Variants in TBC1D5 observed in about 807,000 individuals in gnomAD.
The protein encoded by TBC1D5 is TBC1 domain family, member 5.
In TBC1D5, 75 loss-of-function variants were observed where a neutral mutation model predicts 100.3. That is an observed-to-expected ratio of 0.75 (90% CI 0.62 to 0.91). The LOEUF is 0.91. Ranked by LOEUF, TBC1D5 falls within the 40% of genes least tolerant of loss-of-function variation. The pLI, the probability that TBC1D5 is intolerant of heterozygous loss-of-function variation, is 0.00. For missense variants in TBC1D5, 910 were observed against 942.4 expected, an observed-to-expected ratio of 0.97 and a Z score of 0.45; for synonymous variants, 323 against 325.6, an observed-to-expected ratio of 0.99 and a Z score of 0.09.
At chr3:17,200,986 C>T (rs943281223) in intron 18 of TBC1D5, among the ~76,000 whole-genome samples, 3 of 152,126 alleles carry the variant, frequency 2.0e-5, no homozygotes, top group Non-Finnish European at 4.4e-5. Context: ...ACTTGGTGTG[C>T]TTGGTATTAA....
At chr3:17,473,098 T>C (rs1299106748) in intron 3 of TBC1D5, among the ~76,000 whole-genome samples, 1 of 152,196 alleles carries the variant, frequency 6.6e-6, no homozygotes, top group Non-Finnish European at 1.5e-5. Context: ...ACTAACACAT[T>C]GGTTTTCATG....
intron 2 of TBC1D5, among the ~76,000 whole-genome samples, chr3:17,602,128 G>A (rs115402994): frequency 6.6e-6 from 1 of 152,174 alleles, no homozygotes; most frequent in South Asian, 2.1e-4. Context: ...ATTGCGCCCG[G>A]CCAATAAGTG....
At chr3:17,569,053 C>A (rs561301560) in intron 2 of TBC1D5, among the ~76,000 whole-genome samples, 1 of 151,698 alleles carries the variant, frequency 6.6e-6, no homozygotes, top group Non-Finnish European at 1.5e-5. Flanking sequence ...GATTTGTAGC[C>A]ATACACTGGC....
At chr3:17,556,956 A>G (rs1166573722) in intron 2 of TBC1D5, among the ~76,000 whole-genome samples, 1 of 152,240 alleles carries the variant, frequency 6.6e-6, no homozygotes, top group Non-Finnish European at 1.5e-5. Context: ...AAGTCAGAGT[A>G]GGAAAAGCCA....
At chr3:17,233,293 C>T (rs531663310) in intron 17 of TBC1D5, among the ~76,000 whole-genome samples, 8 of 152,202 alleles carry the variant, frequency 5.3e-5, no homozygotes, top group South Asian at 2.1e-4. Flanking sequence ...TCTGGCTAAT[C>T]GTAGCACATA....
chr3:17,410,877 A>G lies in TBC1D5; in HGVS notation c.168-4351T>C, dbSNP rs138652602. On this transcript the variant is annotated intron_variant, in intron 4 of 21. Coordinates refer to ENST00000253692, the Ensembl canonical transcript of TBC1D5. ...TGGTGAAGGTGCTGTGAATATTGTT[A>G]AAATGATATCAAAGAATTTAGAATA... Among the ~76,000 whole-genome samples the G allele has an allele frequency of 1.1e-3, 168 of 152,268 alleles. No individual in the cohort carries two copies. In the East Asian group the frequency reaches 0.029, roughly 27 times the overall value.
chr3:17,670,286 A>G (rs2067792523), intron 1 of TBC1D5, among the ~76,000 whole-genome samples: 1 of 152,238 alleles, frequency 6.6e-6, no homozygotes, highest in African/African-American at 2.4e-5. Flanking sequence ...GCTCGAACAC[A>G]AATTATTATT....
At chr3:17,281,528 T>C (rs2080593006) in intron 15 of TBC1D5, among the ~76,000 whole-genome samples, 1 of 152,224 alleles carries the variant, frequency 6.6e-6, no homozygotes, top group Admixed American at 6.5e-5. Flanking sequence ...TTCGTGTGAA[T>C]GGTCCAGTCA....
chr3:17,718,230 T>G (rs1032569700), intron 1 of TBC1D5, among the ~76,000 whole-genome samples: 3 of 152,200 alleles, frequency 2.0e-5, no homozygotes, highest in Admixed American at 6.5e-5. Flanking sequence ...AAGAAGATGG[T>G]TCTTGGGGAT....
At chr3:17,325,800 G>A (rs549325651) in intron 13 of TBC1D5, among the ~76,000 whole-genome samples, 3 of 152,228 alleles carry the variant, frequency 2.0e-5, no homozygotes, top group Admixed American at 6.5e-5. Flanking sequence ...CTGAAGTGCA[G>A]GAACAGCTTT....
At chr3:17,373,865 T>C (rs1180606962) in intron 12 of TBC1D5, among the ~76,000 whole-genome samples, 2 of 151,846 alleles carry the variant, frequency 1.3e-5, no homozygotes, top group Non-Finnish European at 2.9e-5. Context: ...AAATGGAGAG[T>C]GACTGTTAAT....
intron 1 of TBC1D5, among the ~76,000 whole-genome samples, chr3:17,715,928 TGTAGTCCC>T (rs2075195695): frequency 6.6e-6 from 1 of 152,124 alleles, no homozygotes; most frequent in Non-Finnish European, 1.5e-5. Context: ...GGCACATGCC[TGTAGTCCC>T]AGTTACTCAA....
At chr3:17,281,544 G>A (rs2080595472) in intron 15 of TBC1D5, among the ~76,000 whole-genome samples, 1 of 152,174 alleles carries the variant, frequency 6.6e-6, no homozygotes, top group Non-Finnish European at 1.5e-5. Context: ...AGTCACTACT[G>A]AGGTATAGAG....
intron 8 of TBC1D5, among the ~76,000 whole-genome samples, chr3:17,392,284 A>G (rs1382158451): frequency 6.6e-6 from 1 of 152,046 alleles, no homozygotes; most frequent in African/African-American, 2.4e-5. Flanking sequence ...TACTGGTTGT[A>G]ATATTGGTGC....
intron 2 of TBC1D5, among the ~76,000 whole-genome samples, chr3:17,549,184 C>G (rs1317939683): frequency 6.6e-6 from 1 of 152,104 alleles, no homozygotes; most frequent in Non-Finnish European, 1.5e-5. Context: ...GCCTGTAATC[C>G]CAGTTACTTG....
intron 18 of TBC1D5, among the ~76,000 whole-genome samples, chr3:17,212,463 T>C (rs2073097769): frequency 1.3e-5 from 2 of 152,184 alleles, no homozygotes; most frequent in Non-Finnish European, 2.9e-5. Flanking sequence ...TACATTATAC[T>C]TTTTATCATT....
intron 1 of TBC1D5, among the ~76,000 whole-genome samples, chr3:17,676,562 A>C (rs914298095): frequency 1.3e-5 from 2 of 152,222 alleles, no homozygotes; most frequent in African/African-American, 4.8e-5. Context: ...ATATCGTGAA[A>C]ATGGCCATAC....
At chr3:17,370,399 A>G (rs567782408) in intron 13 of TBC1D5, among the ~76,000 whole-genome samples, 2 of 152,312 alleles carry the variant, frequency 1.3e-5, no homozygotes, top group South Asian at 2.1e-4. Context: ...AGAGGAATAT[A>G]AAAATTTAAC....
intron 13 of TBC1D5, among the ~76,000 whole-genome samples, chr3:17,347,272 G>C (rs2090017291): frequency 6.6e-6 from 1 of 152,052 alleles, no homozygotes; most frequent in African/African-American, 2.4e-5. Context: ...GATGCTATGA[G>C]GGCATCTGAT....
Sources: allele counts gnomAD v4.1 joint callset (sites outside exome capture counted in the v4.1 genomes callset), GRCh38; gene constraint gnomAD v4.1.1; transcripts MANE v1.5; gene names NCBI Gene and HGNC (gene_info 2026-07-23, HGNC 2026-07-21).